CSMD1: variants seen among roughly 807,000 people sequenced by gnomAD.
The protein encoded by CSMD1 is CUB and Sushi multiple domains 1.
CSMD1 carries 213 observed loss-of-function variants against 417.5 expected under a neutral mutation model. That is an observed-to-expected ratio of 0.51 (90% confidence interval 0.46 to 0.57). The LOEUF (loss-of-function observed/expected upper bound fraction) is 0.57. Among genes scored for constraint, CSMD1 ranks in the 20% least tolerant of loss-of-function variants. CSMD1 has a pLI of 0.00. For synonymous variants in CSMD1, 2,862 were observed against 1,736.8 expected (o/e 1.65, Z -16.11); for missense variants, 6,923 against 4,529.7 (o/e 1.53, Z -15.17).
chr8:4,736,793 A>C (rs1340725717), intron 1 of CSMD1, among the ~76,000 whole-genome samples: 1 of 152,188 alleles, frequency 6.6e-6, no homozygotes, highest in Non-Finnish European at 1.5e-5. Flanking sequence ...ACTTTTGTAT[A>C]AACAAGTGCC....
intron 46 of CSMD1, among the ~76,000 whole-genome samples, chr8:3,097,641 C>T (rs140902148): frequency 7.8e-4 from 119 of 152,194 alleles, no homozygotes; most frequent in African/African-American, 2.7e-3. Context: ...TTTCATCAGG[C>T]TATTCAGAAC....
intron 2 of CSMD1, among the ~76,000 whole-genome samples, chr8:4,542,318 T>A (rs2130520332): frequency 6.6e-6 from 1 of 152,248 alleles, no homozygotes; most frequent in South Asian, 2.1e-4. Flanking sequence ...TAAATTGTCG[T>A]TCTCCATAAC....
At chr8:4,220,736 G>A (rs1175819496) in intron 3 of CSMD1, among the ~76,000 whole-genome samples, 2 of 152,208 alleles carry the variant, frequency 1.3e-5, no homozygotes, top group African/African-American at 2.4e-5. Flanking sequence ...TAGCTGGGAT[G>A]AGAAAGACAG....
At chr8:3,978,074 T>G (rs1813576890) in intron 5 of CSMD1, among the ~76,000 whole-genome samples, 1 of 152,188 alleles carries the variant, frequency 6.6e-6, no homozygotes, top group South Asian at 2.1e-4. Flanking sequence ...CTGGAGCAAC[T>G]GTGAAACTCG....
chr8:4,904,485 C>T (rs1563724981), intron 1 of CSMD1, among the ~76,000 whole-genome samples: 1 of 152,126 alleles, frequency 6.6e-6, no homozygotes, highest in Non-Finnish European at 1.5e-5. Flanking sequence ...GCTGGTAGGG[C>T]TCAATCGTCC....
At chr8:4,582,403 T>C (rs1177274066) in intron 2 of CSMD1, among the ~76,000 whole-genome samples, 1 of 152,152 alleles carries the variant, frequency 6.6e-6, no homozygotes, top group Non-Finnish European at 1.5e-5. Context: ...TTATCAGGGC[T>C]GCAACAACTT....
At chr8:4,366,035 G>C (rs565173201) in intron 3 of CSMD1, among the ~76,000 whole-genome samples, 1 of 152,192 alleles carries the variant, frequency 6.6e-6, no homozygotes, top group East Asian at 1.9e-4. Flanking sequence ...CCCAGGTAGT[G>C]AGCACAGTAC....
chr8:3,310,257 TA>T, intron 23 of CSMD1, among the ~76,000 whole-genome samples: 1 of 152,228 alleles, frequency 6.6e-6, no homozygotes, highest in East Asian at 1.9e-4. Context: ...CCATCATTAT[TA>T]CAGATTATTC....
chr8:4,840,811 A>T (rs1800798125), intron 1 of CSMD1, among the ~76,000 whole-genome samples: 1 of 152,252 alleles, frequency 6.6e-6, no homozygotes, highest in South Asian at 2.1e-4. Flanking sequence ...TATACCAGGT[A>T]GGATTAAGTA....
At chr8:2,991,335 T>C (rs543408344) in intron 54 of CSMD1, among the ~76,000 whole-genome samples, 23 of 152,328 alleles carry the variant, frequency 1.5e-4, no homozygotes, top group Middle Eastern at 3.4e-3. Context: ...TAAAACACAC[T>C]AAATATACAT....
chr8:4,660,114 CAAA>C (rs33982434), intron 1 of CSMD1, among the ~76,000 whole-genome samples: 11 of 122,834 alleles, frequency 9.0e-5, no homozygotes, highest in African/African-American at 2.4e-4. Flanking sequence ...TCAACCAGTG[CAAA>C]AAAAAAAAAA....
At chr8:2,968,415 TAAAC>T (rs1563191105) in intron 57 of CSMD1, among the ~76,000 whole-genome samples, 1 of 152,224 alleles carries the variant, frequency 6.6e-6, no homozygotes, top group Admixed American at 6.5e-5. Flanking sequence ...AACCAATACT[TAAAC>T]AAGTCAAATA....
chr8:4,123,043 CTG>C (rs1802574779), intron 3 of CSMD1, among the ~76,000 whole-genome samples: 1 of 152,188 alleles, frequency 6.6e-6, no homozygotes, highest in Admixed American at 6.5e-5. Context: ...TGGAATTTTT[CTG>C]TGTTTAATTA....
chr8:4,565,369 C>T (rs1484471156), intron 2 of CSMD1, among the ~76,000 whole-genome samples: 1 of 152,166 alleles, frequency 6.6e-6, no homozygotes, highest in Non-Finnish European at 1.5e-5. Flanking sequence ...CCATGTGCAG[C>T]TGTGGTATGC....
chr8:3,563,455 A>G (rs1799561836), intron 10 of CSMD1, among the ~76,000 whole-genome samples: 2 of 150,604 alleles, frequency 1.3e-5, no homozygotes, highest in African/African-American at 4.8e-5. Flanking sequence ...AAAAAAAAAA[A>G]AAAAAAAAAG....
intron 4 of CSMD1, among the ~76,000 whole-genome samples, chr8:3,998,642 TTC>T (rs1815414668): frequency 6.6e-6 from 1 of 152,098 alleles, no homozygotes; most frequent in Non-Finnish European, 1.5e-5. Context: ...CATAAAAAGG[TTC>T]TGAGTAGAAA....
At chr8:4,678,882 AAG>A (rs1805856740) in intron 1 of CSMD1, among the ~76,000 whole-genome samples, 1 of 152,210 alleles carries the variant, frequency 6.6e-6, no homozygotes, top group Non-Finnish European at 1.5e-5. Flanking sequence ...TCATTGTAAA[AAG>A]TTTACAAACA....
intron 49 of CSMD1, among the ~76,000 whole-genome samples, chr8:3,076,772 G>C (rs1813714847): frequency 6.6e-6 from 1 of 152,200 alleles, no homozygotes; most frequent in African/African-American, 2.4e-5. Flanking sequence ...CTGTGGCCCA[G>C]GCTTTGCGCA....
chr8:3,607,393 C>T (rs565255942), intron 8 of CSMD1, among the ~76,000 whole-genome samples: 11 of 152,252 alleles, frequency 7.2e-5, no homozygotes, highest in South Asian at 2.1e-4. Context: ...TATAAGCAGA[C>T]GGAGTATACT....
Sources: allele counts gnomAD v4.1 joint callset (sites outside exome capture counted in the v4.1 genomes callset), GRCh38; gene constraint gnomAD v4.1.1; transcripts MANE v1.5; gene names NCBI Gene and HGNC (gene_info 2026-07-23, HGNC 2026-07-21).